TTC39B: variants seen among roughly 807,000 people sequenced by gnomAD.
TTC39B encodes the protein tetratricopeptide repeat domain 39B.
Under a neutral mutation model 96.6 loss-of-function variants are expected in TTC39B, and 92 were observed. That is an observed-to-expected ratio of 0.95 (90% confidence interval 0.80 to 1.13). TTC39B has a LOEUF of 1.13. Ranked by LOEUF, TTC39B falls within the 50% of genes most tolerant of loss-of-function variation. The pLI is 0.00. For missense variants in TTC39B, 955 were observed against 809.3 expected (o/e 1.18, Z -2.18); for synonymous variants, 367 against 299.4 (o/e 1.23, Z -2.33).
At chr9:15,221,093 G>A (rs13298186) in intron 3 of TTC39B, among the ~76,000 whole-genome samples, 1 of 152,130 alleles carries the variant, frequency 6.6e-6, no homozygotes, top group South Asian at 2.1e-4. Flanking sequence ...TGTTCCCTTG[G>A]GAGTCACTAA....
chr9:15,201,409 C>T (rs1004683786), intron 7 of TTC39B, among the ~76,000 whole-genome samples: 2 of 152,014 alleles, frequency 1.3e-5, no homozygotes, highest in African/African-American at 2.4e-5. Context: ...GAGCCATGCA[C>T]GGGGACGGGA....
intron 2 of TTC39B, among the ~76,000 whole-genome samples, chr9:15,238,847 G>A (rs185378175): frequency 1.7e-4 from 26 of 152,274 alleles, no homozygotes; most frequent in African/African-American, 5.1e-4. Context: ...TTATCTGGGC[G>A]TGGTATCACA....
At position 15,225,916 on chromosome 9, in the gene TTC39B, C is replaced by G; in HGVS notation, c.371+1G>C. 6.2e-7 allele frequency: 1 copy of G among 1,613,442 alleles called. No homozygotes were observed. The highest frequency in any genetic ancestry group is 8.5e-7 in the Non-Finnish European group (1 of 1,179,610). Reference sequence around the variant, plus strand: ...CAGGAATGCCCACAACCCTTCCTGACCTGCTGACAGTAGACGCTCCGCGCT... The same window carrying G: ...CAGGAATGCCCACAACCCTTCCTGAGCTGCTGACAGTAGACGCTCCGCGCT... On this transcript the variant is annotated splice_donor_variant, in intron 3 of 19. Transcript: ENST00000512701. LOFTEE classifies it high-confidence loss of function.
intron 6 of TTC39B, among the ~76,000 whole-genome samples, chr9:15,207,984 A>AAAAAC (rs1819972846): frequency 2.1e-5 from 1 of 47,946 alleles, no homozygotes; most frequent in African/African-American, 1.2e-4. Flanking sequence ...ACTTGGTCTC[A>AAAAAC]AAAAAAAAAA....
At chr9:15,300,564 G>A (rs746405711) in intron 1 of TTC39B, among the ~76,000 whole-genome samples, 1 of 152,124 alleles carries the variant, frequency 6.6e-6, no homozygotes, top group Non-Finnish European at 1.5e-5. Context: ...CCTAAAATCA[G>A]CAATCTTACA....
At chr9:15,278,148 A>G (rs1261831293) in intron 1 of TTC39B, among the ~76,000 whole-genome samples, 1 of 152,210 alleles carries the variant, frequency 6.6e-6, no homozygotes, top group Non-Finnish European at 1.5e-5. Context: ...GCATTTCATT[A>G]TAGAGTTGAG....
At chr9:15,265,726 G>T (rs916960961) in intron 2 of TTC39B, among the ~76,000 whole-genome samples, 2 of 152,200 alleles carry the variant, frequency 1.3e-5, no homozygotes, top group Non-Finnish European at 2.9e-5. Context: ...TTCAACATCG[G>T]TAGTGCTAAG....
chr9:15,190,068 T>G (rs1240271080), intron 11 of TTC39B, among the ~76,000 whole-genome samples: 1 of 152,222 alleles, frequency 6.6e-6, no homozygotes, highest in Non-Finnish European at 1.5e-5. Context: ...ATTAACTTAT[T>G]TAGCCCAAAA....
intron 6 of TTC39B, among the ~76,000 whole-genome samples, chr9:15,209,818 C>T (rs1820087757): frequency 6.6e-6 from 1 of 152,008 alleles, no homozygotes; most frequent in East Asian, 1.9e-4. Flanking sequence ...AGGACAACAC[C>T]TATTATGTGA....
intron 2 of TTC39B, among the ~76,000 whole-genome samples, chr9:15,260,153 T>C (rs1822893567): frequency 6.6e-6 from 1 of 151,640 alleles, no homozygotes; most frequent in Non-Finnish European, 1.5e-5. Context: ...CATTAGAGGG[T>C]TTTTTTTCCT....
Position 15,214,237 on chromosome 9 carries a change from G to T in TTC39B, c.384C>A (p.Thr128=), listed in dbSNP as rs752823598. 4 of 1,613,256 alleles carry T rather than the reference G, an allele frequency of 2.5e-6. No homozygotes were observed. In the South Asian group the frequency reaches 4.4e-5, roughly 18 times the overall value. ...CGAGGCCACTCTTGAGATCCACCTT[G>T]GTTGATGATGAACTAAAGATCAAGA... The change falls in exon 4 of 20, where the codon ACC becomes ACA. Residue 128 remains threonine (T), a synonymous_variant. Transcript: ENST00000512701.
intron 2 of TTC39B, among the ~76,000 whole-genome samples, chr9:15,237,398 GAAAAT>G (rs1334663177): frequency 1.3e-5 from 2 of 151,852 alleles, no homozygotes; most frequent in African/African-American, 4.8e-5. Flanking sequence ...GACTAACCAA[GAAAAT>G]AAAAGAGAAG....
At chr9:15,253,851 G>C (rs1187036483) in intron 2 of TTC39B, among the ~76,000 whole-genome samples, 2 of 152,060 alleles carry the variant, frequency 1.3e-5, no homozygotes, top group Non-Finnish European at 2.9e-5. Flanking sequence ...AGAATTATAT[G>C]CCTTAATTTG....
At chr9:15,189,204 G>A (rs1818708160) in intron 13 of TTC39B, among the ~76,000 whole-genome samples, 1 of 152,174 alleles carries the variant, frequency 6.6e-6, no homozygotes, top group Non-Finnish European at 1.5e-5. Flanking sequence ...TTGATACGGA[G>A]CCCACACGTA....
At chr9:15,303,682 G>A (rs1824671644) in intron 1 of TTC39B, among the ~76,000 whole-genome samples, 1 of 151,746 alleles carries the variant, frequency 6.6e-6, no homozygotes, top group African/African-American at 2.4e-5. Context: ...GCCCCCGCTG[G>A]AGTACAATGG....
intron 1 of TTC39B, among the ~76,000 whole-genome samples, chr9:15,292,884 A>G (rs1344355887): frequency 6.6e-6 from 1 of 152,228 alleles, no homozygotes; most frequent in African/African-American, 2.4e-5. Context: ...TAAAGCAAAA[A>G]AGTTCCATTA....
chr9:15,234,377 C>T (rs1201733091), intron 2 of TTC39B, among the ~76,000 whole-genome samples: 4 of 149,330 alleles, frequency 2.7e-5, no homozygotes, highest in South Asian at 4.3e-4. Context: ...GCCCCCCGCC[C>T]GGCCAGCTGC....
Position 15,278,859 on chromosome 9 carries a change from A to T in TTC39B, c.241-10911T>A, listed in dbSNP as rs76262541. The stretch of plus-strand genomic sequence containing the variant: ...CTATGTTCTAATAATAACAGCAACA[A>T]TAACAGGTAACACTATTGAGTGCCA... On this transcript the variant is annotated intron_variant, in intron 1 of 19. Coordinates refer to ENST00000512701, the Ensembl canonical transcript of TTC39B. Among the ~76,000 whole-genome samples the T allele has an allele frequency of 7.6e-3, 1,157 of 152,352 alleles. 16 individuals carry two copies. The highest frequency in any genetic ancestry group is 0.026 in the African/African-American group (1,101 of 41,570).
chr9:15,207,173 G>A (rs1156294096), intron 6 of TTC39B, among the ~76,000 whole-genome samples: 1 of 152,104 alleles, frequency 6.6e-6, no homozygotes, highest in Non-Finnish European at 1.5e-5. Flanking sequence ...AAATTACCCA[G>A]TCCTGGGCAG....
Sources: gnomAD v4.1 joint callset for allele counts (sites outside exome capture counted in the v4.1 genomes callset) on GRCh38, gnomAD v4.1.1 for gene constraint, MANE v1.5 for transcripts, NCBI Gene and HGNC (gene_info 2026-07-23, HGNC 2026-07-21) for gene names.